Variants in SYT14 observed in about 807,000 individuals in gnomAD.
SYT14 encodes synaptotagmin-14.
A neutral mutation model predicts 74.2 loss-of-function variants in SYT14; 32 were observed. The ratio of observed to expected loss-of-function variants is 0.43; its 90% CI spans 0.33 to 0.58. The LOEUF is 0.58. SYT14 is among the 20% of genes least tolerant of loss of function. SYT14 has a pLI of 0.05. For missense variants in SYT14, 791 were observed against 981.8 expected, an observed-to-expected ratio of 0.81 and a Z score of 2.60; for synonymous variants, 298 against 337.7, an observed-to-expected ratio of 0.88 and a Z score of 1.29.
Position 210,068,918 on chromosome 1 carries a change from G to A in SYT14, c.1313-25404G>A, listed in dbSNP as rs528888829. Among the ~76,000 whole-genome samples the A allele has an allele frequency of 2.0e-5, 3 of 151,504 alleles. No individual in the cohort carries two copies. The South Asian group carries it at 6.3e-4, about 32-fold the overall frequency. On this transcript the variant is annotated intron_variant, in intron 5 of 9. Transcript: ENST00000637265. ...TTGGTTTCTAACATGTGGATTTAAG[G>A]CTATACATTCCTTTTAAAATACCAT...
At chr1:209,938,774 G>A (rs1391373695) in intron 1 of SYT14, among the ~76,000 whole-genome samples, 1 of 152,000 alleles carries the variant, frequency 6.6e-6, no homozygotes, top group African/African-American at 2.4e-5. Context: ...CCTTCCCTGT[G>A]CCCGCTCGGG....
At chr1:209,953,335 TC>T in intron 2 of SYT14, 1 of 923,916 alleles carries the variant, frequency 1.1e-6, no homozygotes, top group South Asian at 1.4e-5. Context: ...ACCTTGGGAG[TC>T]CCCACAACTC....
intron 7 of SYT14, among the ~76,000 whole-genome samples, chr1:210,142,931 A>G (rs967206969): frequency 2.0e-5 from 3 of 152,246 alleles, no homozygotes; most frequent in Admixed American, 1.3e-4. Context: ...TTGAGAGGAC[A>G]TGAACATGAA....
At chr1:209,942,864 T>A (rs1282518124) in intron 1 of SYT14, among the ~76,000 whole-genome samples, 1 of 152,226 alleles carries the variant, frequency 6.6e-6, no homozygotes, top group East Asian at 1.9e-4. Context: ...GGTAACATTT[T>A]TTAAAAATGT....
chr1:210,164,534 A>G (rs1380498010), exon 10 of SYT14: 2 of 156,992 alleles, frequency 1.3e-5, no homozygotes, highest in Non-Finnish European at 2.8e-5. Context: ...GTTTGTCAAT[A>G]TGAAGATGTG....
At chr1:209,984,144 G>A (rs2079534339) in intron 2 of SYT14, among the ~76,000 whole-genome samples, 1 of 152,200 alleles carries the variant, frequency 6.6e-6, no homozygotes, top group Admixed American at 6.5e-5. Context: ...TCAGGGAAAT[G>A]CCAGAATGAT....
intron 1 of SYT14, among the ~76,000 whole-genome samples, chr1:209,946,594 A>C (rs942838807): frequency 8.5e-5 from 13 of 152,240 alleles, no homozygotes; most frequent in African/African-American, 3.1e-4. Flanking sequence ...GTTGGAGGCC[A>C]GCAGAGGTTA....
At chr1:209,990,561 GTA>G (rs111877225) in intron 2 of SYT14, among the ~76,000 whole-genome samples, 3 of 26,060 alleles carry the variant, frequency 1.2e-4, no homozygotes, top group Non-Finnish European at 1.8e-4. Context: ...ATATATATAC[GTA>G]TATATATGTA....
intron 5 of SYT14, among the ~76,000 whole-genome samples, chr1:210,070,173 C>G (rs1178506331): frequency 6.6e-6 from 1 of 152,030 alleles, no homozygotes; most frequent in Non-Finnish European, 1.5e-5. Context: ...ATCTCCTCCC[C>G]GACTGTGCCG....
At chr1:209,969,551 G>C (rs1157165759) in intron 2 of SYT14, among the ~76,000 whole-genome samples, 2 of 143,958 alleles carry the variant, frequency 1.4e-5, no homozygotes. Flanking sequence ...GCAGTGGCGT[G>C]ATCTCGGCTC....
intron 2 of SYT14, among the ~76,000 whole-genome samples, chr1:209,996,322 A>C (rs1466946160): frequency 1.3e-5 from 2 of 152,170 alleles, no homozygotes; most frequent in Admixed American, 1.3e-4. Context: ...TGATGTGAAC[A>C]ACTCTAATGC....
intron 5 of SYT14, among the ~76,000 whole-genome samples, chr1:210,061,650 G>C (rs2081210081): frequency 6.6e-6 from 1 of 151,812 alleles, no homozygotes; most frequent in East Asian, 1.9e-4. Context: ...GTCACTTCTA[G>C]ACATGTAACT....
intron 7 of SYT14, among the ~76,000 whole-genome samples, chr1:210,137,809 T>C (rs2082821630): frequency 6.6e-6 from 1 of 151,672 alleles, no homozygotes; most frequent in Non-Finnish European, 1.5e-5. Flanking sequence ...GCTTCCTGAG[T>C]AGATGGAATT....
At chr1:210,119,013 T>A (rs971207460) in intron 7 of SYT14, among the ~76,000 whole-genome samples, 5 of 152,200 alleles carry the variant, frequency 3.3e-5, no homozygotes, top group African/African-American at 1.2e-4. Context: ...GTACTCAAAA[T>A]CTTGACAGAT....
chr1:210,016,338 G>A, exon 4 of SYT14: 1 of 1,232,070 alleles, frequency 8.1e-7, no homozygotes, highest in Non-Finnish European at 1.0e-6. Context: ...CAAGATCAAG[G>A]AATACATGAA....
At chr1:209,965,791 GAAA>G in intron 2 of SYT14, 1 of 393,512 alleles carries the variant, frequency 2.5e-6, no homozygotes. Flanking sequence ...CTCATTTTTT[GAAA>G]AAAACTATCC....
At chr1:210,016,986 A>C in exon 4 of SYT14, 2 of 1,231,884 alleles carry the variant, frequency 1.6e-6, no homozygotes, top group African/African-American at 3.1e-5. Context: ...AATTCAACGA[A>C]ATACTGTAAA....
At chr1:210,120,669 T>C (rs1176426446) in intron 7 of SYT14, among the ~76,000 whole-genome samples, 1 of 152,204 alleles carries the variant, frequency 6.6e-6, no homozygotes, top group Admixed American at 6.5e-5. Flanking sequence ...AAACAGTGCA[T>C]TTCTCAGACC....
At chr1:210,048,118 T>C (rs1445849185) in intron 5 of SYT14, among the ~76,000 whole-genome samples, 1 of 152,234 alleles carries the variant, frequency 6.6e-6, no homozygotes, top group East Asian at 1.9e-4. Flanking sequence ...CATTCATTGA[T>C]GATTCTTGAC....
Sources: gnomAD v4.1 joint callset for allele counts (sites outside exome capture counted in the v4.1 genomes callset) on GRCh38, gnomAD v4.1.1 for gene constraint, MANE v1.5 for transcripts, NCBI Gene and HGNC (gene_info 2026-07-23, HGNC 2026-07-21) for gene names.